CHD6: variants seen among roughly 807,000 people sequenced by gnomAD.
The protein encoded by CHD6 is chromodomain helicase DNA binding protein 6, also known as ATP-dependent chromatin remodeler CHD6.
In CHD6, 50 loss-of-function variants were observed where a neutral mutation model predicts 276.9. The ratio of observed to expected loss-of-function variants is 0.18; its 90% CI spans 0.14 to 0.23. The LOEUF (loss-of-function observed/expected upper bound fraction) is 0.23. Ranked by LOEUF, CHD6 falls within the 10% of genes least tolerant of loss-of-function variation. CHD6 has a pLI of 1.00. For synonymous variants in CHD6, 1,173 were observed against 1,229.3 expected (o/e 0.95, Z 0.96); for missense variants, 2,564 against 3,365.8 (o/e 0.76, Z 5.89).
chr20:41,567,504 C>A (rs1479026953), intron 1 of CHD6, among the ~76,000 whole-genome samples: 1 of 152,074 alleles, frequency 6.6e-6, no homozygotes, highest in East Asian at 1.9e-4. Context: ...TCTTGCCTGT[C>A]TCCTGTGCTG....
At chr20:41,422,607 T>C (rs555740267) in intron 30 of CHD6, among the ~76,000 whole-genome samples, 3 of 152,358 alleles carry the variant, frequency 2.0e-5, no homozygotes, top group Admixed American at 2.0e-4. Context: ...ATCATGTCAC[T>C]GTACTCTACA....
At chr20:41,415,940 C>T (rs1268083499) in intron 33 of CHD6, among the ~76,000 whole-genome samples, 3 of 152,188 alleles carry the variant, frequency 2.0e-5, no homozygotes, top group East Asian at 1.9e-4. Context: ...AATGCTCAAC[C>T]TCACCTGTGC....
Position 41,579,764 on chromosome 20 carries a change from C to G in CHD6, c.-23-28404G>C, listed in dbSNP as rs554704418. Among the ~76,000 whole-genome samples the G allele has an allele frequency of 2.6e-5, 4 of 152,224 alleles. No individual in the cohort carries two copies. In the South Asian group the frequency reaches 8.3e-4, roughly 32 times the overall value. On this transcript the variant is annotated intron_variant, in intron 1 of 36. Coordinates refer to ENST00000373233, the MANE Select transcript of CHD6 (RefSeq NM_032221.5). ...CCTCCTTACCCTTAGGAAAATTATT[C>G]AAAGAAACTGACCACTAAAACATGT...
chr20:41,474,285 A>G (rs183994955), intron 16 of CHD6, among the ~76,000 whole-genome samples: 75 of 152,324 alleles, frequency 4.9e-4, no homozygotes, highest in Non-Finnish European at 9.3e-4. Context: ...TGGTAGAGGT[A>G]AGGGTAAAAG....
At chr20:41,570,240 G>C (rs755042520) in intron 1 of CHD6, among the ~76,000 whole-genome samples, 1 of 152,220 alleles carries the variant, frequency 6.6e-6, no homozygotes, top group Admixed American at 6.5e-5. Context: ...TCATTAGGTT[G>C]AATATGAAAC....
At chr20:41,604,399 T>C (rs2045805893) in intron 1 of CHD6, among the ~76,000 whole-genome samples, 2 of 152,136 alleles carry the variant, frequency 1.3e-5, no homozygotes, top group Non-Finnish European at 1.5e-5. Context: ...TCCTTAATAG[T>C]TTTTTAAAAA....
intron 1 of CHD6, among the ~76,000 whole-genome samples, chr20:41,581,724 A>C (rs931891315): frequency 2.2e-4 from 34 of 152,142 alleles, no homozygotes; most frequent in Non-Finnish European, 4.3e-4. Context: ...TTCAAGGAGC[A>C]AACTGAAAAA....
chr20:41,410,018 C>G (rs2046796092), intron 36 of CHD6, among the ~76,000 whole-genome samples: 1 of 152,192 alleles, frequency 6.6e-6, no homozygotes, highest in Non-Finnish European at 1.5e-5. Context: ...GCAGCCCGCG[C>G]AATGATAATT....
intron 1 of CHD6, among the ~76,000 whole-genome samples, chr20:41,565,786 C>T (rs1242266906): frequency 6.6e-6 from 1 of 152,076 alleles, no homozygotes; most frequent in African/African-American, 2.4e-5. Context: ...AGAGAGTGGG[C>T]AGAGGTTGGA....
intron 31 of CHD6, among the ~76,000 whole-genome samples, chr20:41,418,890 C>A (rs144650026): frequency 5.9e-5 from 9 of 152,318 alleles, no homozygotes; most frequent in African/African-American, 2.2e-4. Context: ...TCTACTCTGA[C>A]TTAGCAAGGC....
intron 1 of CHD6, among the ~76,000 whole-genome samples, chr20:41,558,391 A>G (rs922910108): frequency 1.3e-5 from 2 of 152,244 alleles, no homozygotes; most frequent in African/African-American, 2.4e-5. Flanking sequence ...CGTCTGCCAC[A>G]TGGTGAAGAC....
intron 17 of CHD6, among the ~76,000 whole-genome samples, chr20:41,465,616 A>G (rs555765443): frequency 4.6e-5 from 7 of 152,312 alleles, no homozygotes; most frequent in Admixed American, 3.3e-4. Flanking sequence ...ATGAATATGA[A>G]TAAGGTCTGT....
rs747619235 is a variant in CHD6, at chr20:41,514,926, T to G, written c.581A>C (p.Glu194Ala). The change falls in exon 4 of 37, where the codon GAG becomes GCG. Residue 194 changes from glutamate to alanine, a missense_variant. Glu to Ala is a moderately radical substitution (Grantham distance 107). Around this residue, in one of 7 missense-constraint regions of CHD6, gnomAD observed 286 missense variants for 297.8 expected, o/e 0.96. Transcript: ENST00000373233. ...TTTCCTTTTTCCTTTCTTCTTTTTC[T>G]CCACTGGGGTTGGTCCTTGCTCCTT... is the stretch of plus-strand genomic sequence containing the variant. Reference protein sequence around the residue: ...ASKEQGPTPVEKKKKGKRKSE... With the variant: ...ASKEQGPTPVAKKKKGKRKSE... 4 of 1,614,072 alleles carry G rather than the reference T, an allele frequency of 2.5e-6. No homozygotes were observed. The South Asian group carries it at 4.4e-5, about 18-fold the overall frequency.
At chr20:41,613,233 G>A (rs2045905490) in intron 1 of CHD6, among the ~76,000 whole-genome samples, 1 of 152,130 alleles carries the variant, frequency 6.6e-6, no homozygotes, top group African/African-American at 2.4e-5. Flanking sequence ...AAAATGGAGG[G>A]CTTCTTTTAA....
intron 1 of CHD6, among the ~76,000 whole-genome samples, chr20:41,567,306 G>A (rs561574370): frequency 1.4e-4 from 22 of 152,204 alleles, no homozygotes; most frequent in Admixed American, 5.9e-4. Flanking sequence ...ACAGCTCTTC[G>A]GTCACTGTGT....
At chr20:41,417,907 C>T (rs746158989) in intron 31 of CHD6, among the ~76,000 whole-genome samples, 1 of 152,190 alleles carries the variant, frequency 6.6e-6, no homozygotes, top group Non-Finnish European at 1.5e-5. Context: ...CTTATTCTTT[C>T]AAGCTTCAGT....
rs745771272 is a variant in CHD6, at chr20:41,493,840, G to C, written c.1179+18C>G. The stretch of plus-strand genomic sequence containing the variant: ...CGTGGAAAGAAGGGAAGATGCTTCA[G>C]GAGAGGCAAATACCCACCTCCCCTG... On this transcript the variant is annotated intron_variant, in intron 9 of 36. Transcript: ENST00000373233. 2.2e-5 allele frequency: 35 copies of C among 1,606,478 alleles called. 2 individuals carry two copies. In the South Asian group the frequency reaches 3.7e-4, roughly 17 times the overall value.
chr20:41,403,723 G>A lies in CHD6; in HGVS notation c.*870C>T. On this transcript the variant is annotated 3_prime_UTR_variant, in exon 37 of 37. Coordinates refer to ENST00000373233, the MANE Select transcript of CHD6 (RefSeq NM_032221.5). ...TCGGTCCTGGTGCTCTTTAAACACA[G>A]AGAGGCAAATTAATGGCTAGAGAAA... 1.9e-6 allele frequency: 2 copies of A among 1,057,416 alleles called. No individual in the cohort carries two copies. The highest frequency in any genetic ancestry group is 2.3e-6 in the Non-Finnish European group (2 of 874,328). 65.5% of individuals were successfully genotyped at this position (1,057,416 alleles called of 1,614,324 possible).
chr20:41,481,129 A>G (rs1178027680), intron 16 of CHD6, among the ~76,000 whole-genome samples: 2 of 151,548 alleles, frequency 1.3e-5, no homozygotes, highest in East Asian at 3.8e-4. Context: ...AAATATATAT[A>G]TATATACACT....
Sources: gnomAD v4.1 joint callset for allele counts (sites outside exome capture counted in the v4.1 genomes callset) on GRCh38, gnomAD v4.1.1 for gene constraint, gnomAD v4.1.1 regional missense constraint, MANE v1.5 for transcripts, NCBI Gene and HGNC (gene_info 2026-07-23, HGNC 2026-07-21) for gene names.